Variants in ZNF385D observed in about 807,000 individuals in gnomAD.
The protein encoded by ZNF385D is zinc finger protein 659.
Under a neutral mutation model 35.8 loss-of-function variants are expected in ZNF385D, and 15 were observed. The observed-to-expected ratio is 0.42, with a 90% CI of 0.28 to 0.64. The LOEUF (loss-of-function observed/expected upper bound fraction) is 0.64. ZNF385D is among the 30% of genes least tolerant of loss of function. ZNF385D has a pLI of 0.23. For synonymous variants in ZNF385D, 212 were observed against 186.8 expected (o/e 1.13, Z -1.10); for missense variants, 474 against 494.6 (o/e 0.96, Z 0.39).
intron 3 of ZNF385D, among the ~76,000 whole-genome samples, chr3:21,793,325 T>G (rs1277186285): frequency 6.6e-6 from 1 of 152,200 alleles, no homozygotes; most frequent in African/African-American, 2.4e-5. Context: ...GAGGTATTGT[T>G]AAGGAAATAT....
rs368520991 is a variant in ZNF385D, at chr3:22,262,806, C to T, written c.107-93771G>A. ...GGTAAAATTAACTGCTTATCCTCAA[C>T]ATCCTCACGATTTGCCATTCCATGT... is the stretch of plus-strand genomic sequence containing the variant. On this transcript the variant is annotated intron_variant, in intron 2 of 5. Transcript: ENST00000494108. 3.2e-4 allele frequency among the ~76,000 whole-genome samples: 48 copies of T among 152,018 alleles called. 1 individual carries two copies. Among genetic ancestry groups the T allele is most frequent in the African/African-American group, 1.1e-3 (47 of 41,506 alleles).
intron 3 of ZNF385D, among the ~76,000 whole-genome samples, chr3:21,957,931 T>G (rs1576008027): frequency 6.6e-6 from 1 of 152,226 alleles, no homozygotes; most frequent in South Asian, 2.1e-4. Flanking sequence ...GTACCACTAA[T>G]GTTGTCATTC....
At chr3:21,940,949 A>G (rs911733641) in intron 3 of ZNF385D, among the ~76,000 whole-genome samples, 2 of 152,214 alleles carry the variant, frequency 1.3e-5, no homozygotes, top group African/African-American at 4.8e-5. Flanking sequence ...TACATAATTC[A>G]TGTTTCATCA....
intron 2 of ZNF385D, among the ~76,000 whole-genome samples, chr3:22,289,572 C>G (rs1446494860): frequency 6.6e-6 from 1 of 152,162 alleles, no homozygotes; most frequent in Non-Finnish European, 1.5e-5. Context: ...CAGGAAAAAA[C>G]TGGGAAATGT....
chr3:22,143,479 G>T (rs1309273342), intron 3 of ZNF385D, among the ~76,000 whole-genome samples: 1 of 152,074 alleles, frequency 6.6e-6, no homozygotes, highest in Non-Finnish European at 1.5e-5. Context: ...GTGCTCTCCA[G>T]AAGTACCCAC....
chr3:22,188,420 C>T (rs1353877324), intron 2 of ZNF385D, among the ~76,000 whole-genome samples: 1 of 151,752 alleles, frequency 6.6e-6, no homozygotes, highest in Non-Finnish European at 1.5e-5. Flanking sequence ...AGTTATTGTG[C>T]GAATGTGTTT....
At chr3:22,237,063 T>C (rs549942396) in intron 2 of ZNF385D, among the ~76,000 whole-genome samples, 27 of 152,332 alleles carry the variant, frequency 1.8e-4, no homozygotes, top group African/African-American at 6.0e-4. Context: ...CTGAGTCATA[T>C]AGTAACTCTG....
intron 3 of ZNF385D, among the ~76,000 whole-genome samples, chr3:21,949,639 T>G (rs1183225233): frequency 1.3e-5 from 2 of 151,460 alleles, no homozygotes; most frequent in Non-Finnish European, 2.9e-5. Context: ...CAAGTGCCAC[T>G]GTGGTTTGCT....
chr3:22,329,312 GTA>G (rs1386936512), intron 2 of ZNF385D, among the ~76,000 whole-genome samples: 1 of 151,776 alleles, frequency 6.6e-6, no homozygotes, highest in Non-Finnish European at 1.5e-5. Context: ...ATATTTTTAG[GTA>G]TATATTTTTC....
At chr3:22,264,884 T>TA (rs1700818626) in intron 2 of ZNF385D, among the ~76,000 whole-genome samples, 1 of 151,940 alleles carries the variant, frequency 6.6e-6, no homozygotes, top group Non-Finnish European at 1.5e-5. Context: ...ACAAAGGATT[T>TA]AAATAATCAT....
chr3:22,291,179 T>C (rs1317919924), intron 2 of ZNF385D, among the ~76,000 whole-genome samples: 1 of 152,172 alleles, frequency 6.6e-6, no homozygotes, highest in East Asian at 1.9e-4. Context: ...TACTGTTGGT[T>C]GTTACTTTCT....
intron 4 of ZNF385D, among the ~76,000 whole-genome samples, chr3:21,451,414 C>T (rs537420593): frequency 1.6e-4 from 25 of 152,130 alleles, no homozygotes; most frequent in South Asian, 6.2e-4. Context: ...TGATAGATTA[C>T]GCATCACTCA....
At chr3:22,099,715 T>A (rs986284244) in intron 3 of ZNF385D, among the ~76,000 whole-genome samples, 1 of 151,760 alleles carries the variant, frequency 6.6e-6, no homozygotes, top group Non-Finnish European at 1.5e-5. Flanking sequence ...GGGATACCAA[T>A]AGAAGGATGG....
In ZNF385D at chr3:22,084,102, C is replaced by A. The variant is rs1357331555; in HGVS notation, c.325+84715G>T. ...AGGAAGCACTAAACATGGAAAGGAA[C>A]AACCAGTACCAGCCACTGCAAAAAC... is the stretch of plus-strand genomic sequence containing the variant. On this transcript the variant is annotated intron_variant, in intron 3 of 5. Coordinates refer to the ZNF385D transcript ENST00000494108. Among the ~76,000 whole-genome samples, 5 of 152,188 alleles carry A rather than the reference C, an allele frequency of 3.3e-5. No individual in the cohort carries two copies. The East Asian group carries it at 9.6e-4, about 29-fold the overall frequency.
At chr3:22,013,224 T>C (rs1696684011) in intron 3 of ZNF385D, among the ~76,000 whole-genome samples, 1 of 151,990 alleles carries the variant, frequency 6.6e-6, no homozygotes, top group African/African-American at 2.4e-5. Context: ...AAACCTCTAA[T>C]GAAAATAATA....
rs145581340 is a variant in ZNF385D, at chr3:21,827,193, T to C, written c.326-162165A>G. On this transcript the variant is annotated intron_variant, in intron 3 of 5. Coordinates refer to the ZNF385D transcript ENST00000494108. ...TATTTCTTAGCTTCTTTTACCACCA[T>C]CAATATTTATGTCACACCTCCCTCA... Among the ~76,000 whole-genome samples, 1,044 of 152,300 alleles carry C rather than the reference T, an allele frequency of 6.9e-3. 18 individuals are homozygous for C. The highest frequency in any genetic ancestry group is 0.024 in the African/African-American group (985 of 41,562).
intron 2 of ZNF385D, among the ~76,000 whole-genome samples, chr3:22,189,366 G>C (rs749392860): frequency 3.9e-5 from 6 of 152,138 alleles, no homozygotes; most frequent in Non-Finnish European, 7.4e-5. Context: ...TTCAGACAAG[G>C]AAACCAAACT....
At chr3:21,908,148 AT>A (rs1699786211) in intron 3 of ZNF385D, among the ~76,000 whole-genome samples, 1 of 150,524 alleles carries the variant, frequency 6.6e-6, no homozygotes, top group African/African-American at 2.5e-5. Context: ...CTATCTATCT[AT>A]CTATCTATCT....
chr3:21,881,406 A>C (rs915784980), intron 3 of ZNF385D, among the ~76,000 whole-genome samples: 4 of 151,960 alleles, frequency 2.6e-5, no homozygotes, highest in Non-Finnish European at 4.4e-5. Context: ...TATAAATGAA[A>C]CAACAAAGCC....
Sources: allele counts gnomAD v4.1 joint callset (sites outside exome capture counted in the v4.1 genomes callset), GRCh38; gene constraint gnomAD v4.1.1; transcripts MANE v1.5; gene names NCBI Gene and HGNC (gene_info 2026-07-23, HGNC 2026-07-21).